AUTS2: variants seen among roughly 807,000 people sequenced by gnomAD.
AUTS2 encodes the protein activator of transcription and developmental regulator AUTS2, also known as autism susceptibility gene 2 protein.
AUTS2 carries 17 observed loss-of-function variants against 112.4 expected under a neutral mutation model. The ratio of observed to expected loss-of-function variants is 0.15; its 90% CI spans 0.10 to 0.23. The LOEUF is 0.23. Ranked by LOEUF, AUTS2 falls within the 10% of genes least tolerant of loss-of-function variation. The probability of loss-of-function intolerance (pLI) is 1.00; values close to 1 mark genes in which losing one functional copy is unlikely to be tolerated. For missense variants in AUTS2, 1,510 were observed against 1,701.6 expected (o/e 0.89, Z 1.98); for synonymous variants, 751 against 702.7 (o/e 1.07, Z -1.09).
intron 2 of AUTS2, among the ~76,000 whole-genome samples, chr7:70,002,964 G>A (rs1799265842): frequency 6.6e-6 from 1 of 151,038 alleles, no homozygotes; most frequent in Non-Finnish European, 1.5e-5. Flanking sequence ...TTCATATAAT[G>A]TTAATTTTTT....
At chr7:69,912,956 G>C (rs1200293329) in intron 2 of AUTS2, among the ~76,000 whole-genome samples, 1 of 152,132 alleles carries the variant, frequency 6.6e-6, no homozygotes, top group African/African-American at 2.4e-5. Flanking sequence ...AAATTTCAGT[G>C]ACCATCCACA....
intron 4 of AUTS2, among the ~76,000 whole-genome samples, chr7:70,358,101 G>A (rs920392033): frequency 2.0e-5 from 3 of 152,160 alleles, no homozygotes; most frequent in South Asian, 2.1e-4. Flanking sequence ...TTTGGACAAC[G>A]TTACATCTGT....
intron 4 of AUTS2, among the ~76,000 whole-genome samples, chr7:70,425,562 G>T (rs964422186): frequency 6.6e-6 from 1 of 152,186 alleles, no homozygotes; most frequent in African/African-American, 2.4e-5. Flanking sequence ...GAGGGAGGAG[G>T]AATCCATAAA....
At chr7:70,183,833 C>CTTTTT (rs60689973) in intron 4 of AUTS2, among the ~76,000 whole-genome samples, 1 of 137,956 alleles carries the variant, frequency 7.2e-6, no homozygotes, top group Non-Finnish European at 1.6e-5. Flanking sequence ...CTGTCTTTTT[C>CTTTTT]TTTTTTTTTT....
chr7:70,731,904 C>T (rs1035716353), intron 6 of AUTS2, among the ~76,000 whole-genome samples: 15 of 151,860 alleles, frequency 9.9e-5, no homozygotes, highest in Non-Finnish European at 2.2e-4. Context: ...TGAGTATTTC[C>T]GAGGAATAAG....
chr7:69,776,562 C>T (rs1027414114), intron 1 of AUTS2, among the ~76,000 whole-genome samples: 1 of 152,086 alleles, frequency 6.6e-6, no homozygotes, highest in African/African-American at 2.4e-5. Context: ...ACTACAGGTG[C>T]ACGCCACCAC....
chr7:70,497,231 C>A (rs1313765800), intron 5 of AUTS2, among the ~76,000 whole-genome samples: 1 of 144,060 alleles, frequency 6.9e-6, no homozygotes, highest in Non-Finnish European at 1.5e-5. Context: ...CGATCACACA[C>A]CCCACTCACA....
chr7:70,578,584 C>G (rs1189932920), intron 5 of AUTS2, among the ~76,000 whole-genome samples: 2 of 152,234 alleles, frequency 1.3e-5, no homozygotes, highest in East Asian at 1.9e-4. Context: ...CAATATGCTT[C>G]TTCTAGATTT....
intron 4 of AUTS2, among the ~76,000 whole-genome samples, chr7:70,430,236 T>C (rs1795598555): frequency 6.6e-6 from 1 of 152,126 alleles, no homozygotes. Flanking sequence ...GTGATGCTAT[T>C]ACCAAGGGCA....
chr7:70,511,317 G>A (rs955736033), intron 5 of AUTS2, among the ~76,000 whole-genome samples: 4 of 151,774 alleles, frequency 2.6e-5, no homozygotes, highest in Admixed American at 6.6e-5. Flanking sequence ...ATGCCACACC[G>A]GCAATTTCCA....
chr7:70,178,417 G>A (rs1369445635), intron 4 of AUTS2, among the ~76,000 whole-genome samples: 1 of 152,056 alleles, frequency 6.6e-6, no homozygotes, highest in Non-Finnish European at 1.5e-5. Context: ...GAAATAACAA[G>A]GATTTTTATG....
At chr7:69,735,334 G>T (rs1399714023) in intron 1 of AUTS2, among the ~76,000 whole-genome samples, 1 of 152,312 alleles carries the variant, frequency 6.6e-6, no homozygotes, top group East Asian at 1.9e-4. Context: ...TTTTCAGACA[G>T]TTGCAGAGTT....
At chr7:69,739,639 T>C (rs1787180252) in intron 1 of AUTS2, among the ~76,000 whole-genome samples, 1 of 152,162 alleles carries the variant, frequency 6.6e-6, no homozygotes, top group Non-Finnish European at 1.5e-5. Context: ...AGGGCTGTAG[T>C]TTTAAAAATC....
At chr7:69,701,552 T>G (rs1358586898) in intron 1 of AUTS2, among the ~76,000 whole-genome samples, 1 of 152,168 alleles carries the variant, frequency 6.6e-6, no homozygotes, top group Admixed American at 6.5e-5. Flanking sequence ...CAAAAGAATG[T>G]GAGGTCACTC....
rs1047344726 is a variant in AUTS2, at chr7:70,102,550, C to T, written c.523-15582C>T. Among the ~76,000 whole-genome samples the T allele has an allele frequency of 6.6e-5, 10 of 152,044 alleles. No individual in the cohort carries two copies. The East Asian group carries it at 7.7e-4, about 12-fold the overall frequency. On this transcript the variant is annotated intron_variant, in intron 2 of 18. Transcript: ENST00000342771. ...GTTAGATCACACACACACACACACACGTACGTATATGTATTGTAGGTATAA... is the reference window on the plus strand; with the variant it reads ...GTTAGATCACACACACACACACACATGTACGTATATGTATTGTAGGTATAA...
intron 5 of AUTS2, among the ~76,000 whole-genome samples, chr7:70,458,390 T>C (rs1194764114): frequency 6.6e-6 from 1 of 152,236 alleles, no homozygotes; most frequent in East Asian, 1.9e-4. Flanking sequence ...GGTATGTTTC[T>C]GAGATTTTTA....
At chr7:69,631,170 A>G (rs1345105462) in intron 1 of AUTS2, among the ~76,000 whole-genome samples, 2 of 151,948 alleles carry the variant, frequency 1.3e-5, no homozygotes, top group African/African-American at 4.8e-5. Context: ...GATTTTGTGT[A>G]CACACTTTTT....
chr7:70,324,425 C>G (rs1790393528), intron 4 of AUTS2, among the ~76,000 whole-genome samples: 1 of 151,988 alleles, frequency 6.6e-6, no homozygotes, highest in Non-Finnish European at 1.5e-5. Flanking sequence ...AGTTCAAGAC[C>G]AGCCTGGGCA....
chr7:69,894,500 C>T (rs905903805), intron 1 of AUTS2, among the ~76,000 whole-genome samples: 5 of 151,964 alleles, frequency 3.3e-5, no homozygotes, highest in Non-Finnish European at 7.4e-5. Context: ...ATCTTGAATC[C>T]TTATTTAGTA....
Sources: allele counts gnomAD v4.1 joint callset (sites outside exome capture counted in the v4.1 genomes callset), GRCh38; gene constraint gnomAD v4.1.1; transcripts MANE v1.5; gene names NCBI Gene and HGNC (gene_info 2026-07-23, HGNC 2026-07-21).